BAZ2B: variants seen among roughly 807,000 people sequenced by gnomAD.
BAZ2B encodes bromodomain adjacent to zinc finger domain 2B.
A neutral mutation model predicts 246.0 loss-of-function variants in BAZ2B; 91 were observed. The ratio of observed to expected loss-of-function variants is 0.37; its 90% CI spans 0.31 to 0.44. The LOEUF is 0.44. Ranked by LOEUF, BAZ2B falls within the 20% of genes least tolerant of loss-of-function variation. The probability of loss-of-function intolerance (pLI) is 1.00; values close to 1 mark genes in which losing one functional copy is unlikely to be tolerated. For synonymous variants in BAZ2B, 855 were observed against 860.0 expected (o/e 0.99, Z 0.10); for missense variants, 2,332 against 2,533.7 (o/e 0.92, Z 1.71).
At chr2:159,502,248 A>C (rs1321576329) in intron 2 of BAZ2B, among the ~76,000 whole-genome samples, 1 of 151,966 alleles carries the variant, frequency 6.6e-6, no homozygotes, top group African/African-American at 2.4e-5. Context: ...TGGTTGCACA[A>C]CTCTGTGAAT....
chr2:159,576,020 T>TA (rs1014385011), intron 1 of BAZ2B, among the ~76,000 whole-genome samples: 19 of 152,150 alleles, frequency 1.2e-4, no homozygotes, highest in Non-Finnish European at 2.4e-4. Flanking sequence ...TTTAGAAACT[T>TA]AAAGAATTTC....
rs755544449 is a variant in BAZ2B at position 159,332,575 on chromosome 2, C to T, written c.5908G>A (p.Asp1970Asn). 1.2e-6 allele frequency: 2 copies of T among 1,614,060 alleles called. No individual in the cohort carries two copies. Among genetic ancestry groups the T allele is most frequent in the South Asian group, 2.2e-5 (2 of 91,076 alleles). The change falls in exon 34 of 37, where the codon GAT (aspartate) becomes AAT (asparagine). Residue 1970 changes from aspartate (D) to asparagine (N), a missense_variant. Around this residue, in one of 9 missense-constraint regions of BAZ2B, gnomAD observed 210 missense variants for 232.5 expected, o/e 0.90. Coordinates refer to ENST00000392783, the MANE Select transcript of BAZ2B (RefSeq NM_013450.4). ...CHRPKITTIP[D>N]GDWFCPACIA... Reference sequence around the variant, plus strand: ...CAAGCTGGACAAAACCAGTCTCCATCTGGGATTGTTGTAATCTTGGGTCTA... The same window carrying T: ...CAAGCTGGACAAAACCAGTCTCCATTTGGGATTGTTGTAATCTTGGGTCTA...
In BAZ2B at chr2:159,430,889, G is replaced by A. The variant is rs750313043; in HGVS notation, c.2168C>T (p.Ser723Phe). 6.2e-7 allele frequency: 1 copy of A among 1,613,634 alleles called. No homozygotes were observed. Among genetic ancestry groups the A allele is most frequent in the Admixed American group, 1.7e-5 (1 of 60,006 alleles). Residue 723 changes from serine to phenylalanine, a missense_variant, in exon 10 of 37, where the codon TCC becomes TTC. Ser to Phe is a radical substitution (Grantham distance 155, BLOSUM62 -2). This residue lies in a region of BAZ2B where 651 missense variants were observed against 650.9 expected (regional missense o/e 1.00). Coordinates refer to ENST00000392783, the MANE Select transcript of BAZ2B (RefSeq NM_013450.4). Reference protein sequence around the residue: ...QSPAFLGTSSSTLTSSPHSGT... With the variant: ...QSPAFLGTSSFTLTSSPHSGT... The stretch of plus-strand genomic sequence containing the variant: ...AGAGTGTGGGCTTGAAGTAAGTGTG[G>A]AAGAAGATGTACCAAGAAAAGCAGG...
chr2:159,552,005 A>G (rs2088318798), intron 2 of BAZ2B, among the ~76,000 whole-genome samples: 3 of 152,236 alleles, frequency 2.0e-5, no homozygotes. Flanking sequence ...CTACAGAAGT[A>G]GCAGAACACA....
the BAZ2B span, among the ~76,000 whole-genome samples, chr2:159,709,703 T>C: frequency 6.6e-6 from 1 of 152,138 alleles, no homozygotes; most frequent in Non-Finnish European, 1.5e-5. Flanking sequence ...AAGAGAAGCT[T>C]TTTAGAAGAT....
intron 2 of BAZ2B, among the ~76,000 whole-genome samples, chr2:159,512,552 T>C (rs1364247216): frequency 1.3e-5 from 2 of 152,136 alleles, no homozygotes; most frequent in African/African-American, 4.8e-5. Context: ...TCTAAGCTGA[T>C]AAAATGTGTG....
Position 159,431,007 on chromosome 2 carries a change from T to G in BAZ2B, c.2050A>C (p.Met684Leu). 6.2e-7 allele frequency: 1 copy of G among 1,614,030 alleles called. No individual in the cohort carries two copies. The highest frequency in any genetic ancestry group is 8.5e-7 in the Non-Finnish European group (1 of 1,179,916). The change falls in exon 10 of 37, where the codon ATG (methionine) becomes CTG (leucine). Residue 684 changes from methionine (M) to leucine (L), a missense_variant. Around this residue, in one of 9 missense-constraint regions of BAZ2B, gnomAD observed 651 missense variants for 650.9 expected, o/e 1.00. Coordinates refer to ENST00000392783, the MANE Select transcript of BAZ2B (RefSeq NM_013450.4). ...KTTSSVKSPS[M>L]SLTGHSTPRN... ...GGTGTTGAGTGACCTGTGAGACTCATGGAAGGGCTTTTGACAGAGGAAGTT... is the reference window on the plus strand; with the variant it reads ...GGTGTTGAGTGACCTGTGAGACTCAGGGAAGGGCTTTTGACAGAGGAAGTT...
chr2:159,554,949 CA>C (rs1243168715), intron 2 of BAZ2B, among the ~76,000 whole-genome samples: 1 of 151,838 alleles, frequency 6.6e-6, no homozygotes, highest in Admixed American at 6.6e-5. Flanking sequence ...ATCCTTTTAT[CA>C]AAAAACTCTC....
intron 27 of BAZ2B, among the ~76,000 whole-genome samples, chr2:159,369,469 G>C (rs1423265735): frequency 1.3e-5 from 2 of 152,144 alleles, no homozygotes; most frequent in Non-Finnish European, 2.9e-5. Flanking sequence ...GACAGAATGT[G>C]ATGGAAGGAG....
Position 159,616,299 on chromosome 2 carries a change from T to G in BAZ2B, c.-103A>C, listed in dbSNP as rs1384191650. 6.6e-6 allele frequency: 1 copy of G among 152,242 alleles called. No individual in the cohort carries two copies. The highest frequency in any genetic ancestry group is 1.5e-5 in the Non-Finnish European group (1 of 68,080). 9.4% of individuals were successfully genotyped at this position (152,242 alleles called of 1,614,324 possible). ...GGATTTTTGCCTTTTCCCCAGATGG[T>G]TGAAGGTTAAGATTTTTGGAAACCC... is the stretch of plus-strand genomic sequence containing the variant. On this transcript the variant is annotated 5_prime_UTR_variant, in exon 1 of 37. Transcript: ENST00000392783.
the BAZ2B span, chr2:159,693,620 A>C: frequency 6.6e-6 from 1 of 151,672 alleles, no homozygotes; most frequent in Non-Finnish European, 1.5e-5. Flanking sequence ...TCAGGGTCTC[A>C]CTATGTTGTC....
At chr2:159,342,761 T>A (rs1020940938) in intron 31 of BAZ2B, among the ~76,000 whole-genome samples, 1 of 151,986 alleles carries the variant, frequency 6.6e-6, no homozygotes, top group Non-Finnish European at 1.5e-5. Flanking sequence ...AAAACACTGA[T>A]TAAAAAAAAC....
At chr2:159,628,075 A>G in the BAZ2B span, among the ~76,000 whole-genome samples, 1 of 152,182 alleles carries the variant, frequency 6.6e-6, no homozygotes, top group Non-Finnish European at 1.5e-5. Flanking sequence ...CACAACTGCT[A>G]TAAAGAGAAT....
intron 3 of BAZ2B, among the ~76,000 whole-genome samples, chr2:159,467,201 G>A (rs1407988664): frequency 2.0e-5 from 3 of 152,292 alleles, no homozygotes; most frequent in Non-Finnish European, 2.9e-5. Context: ...AGGCAGGCAG[G>A]ATTAGGTCAT....
intron 27 of BAZ2B, among the ~76,000 whole-genome samples, chr2:159,369,489 T>C (rs1030283453): frequency 2.8e-4 from 43 of 152,140 alleles, no homozygotes; most frequent in African/African-American, 2.4e-5. Flanking sequence ...GGGAATTGTA[T>C]ATAGAGAAGT....
intron 1 of BAZ2B, among the ~76,000 whole-genome samples, chr2:159,568,743 A>G (rs1475178959): frequency 6.6e-6 from 1 of 152,202 alleles, no homozygotes; most frequent in Non-Finnish European, 1.5e-5. Context: ...CTAATTAATC[A>G]GATTCAATTA....
At chr2:159,569,059 G>A (rs1044617369) in intron 1 of BAZ2B, among the ~76,000 whole-genome samples, 1 of 151,994 alleles carries the variant, frequency 6.6e-6, no homozygotes, top group Non-Finnish European at 1.5e-5. Context: ...GTTAATAGAT[G>A]TGATCCATTC....
intron 13 of BAZ2B, among the ~76,000 whole-genome samples, chr2:159,421,229 C>T (rs2068691976): frequency 6.6e-6 from 1 of 150,894 alleles, no homozygotes; most frequent in South Asian, 2.1e-4. Flanking sequence ...GGCTGGAGTA[C>T]AATGGCATGA....
rs570498400 is a variant in BAZ2B, at chr2:159,420,108, C to T, written c.2467-7563G>A. On this transcript the variant is annotated intron_variant, in intron 13 of 36. Transcript: ENST00000392783. ...TCCTCAGAGAATAAGCTTCTCTAAACCAACAATCATTTTTTTGTATTCTTC... is the reference window on the plus strand; with the variant it reads ...TCCTCAGAGAATAAGCTTCTCTAAATCAACAATCATTTTTTTGTATTCTTC... Among the ~76,000 whole-genome samples, 9 of 152,288 alleles carry T rather than the reference C, an allele frequency of 5.9e-5. No individual in the cohort carries two copies. The South Asian group carries it at 1.7e-3, about 28-fold the overall frequency.
Sources: allele counts gnomAD v4.1 joint callset (sites outside exome capture counted in the v4.1 genomes callset), GRCh38; gene constraint gnomAD v4.1.1; regional missense constraint gnomAD v4.1.1; transcripts MANE v1.5; gene names NCBI Gene and HGNC (gene_info 2026-07-23, HGNC 2026-07-21).